Variants in FN1 observed in about 807,000 individuals in gnomAD.
The protein encoded by FN1 is fibronectin 1, also known as fibronectin.
Under a neutral mutation model 297.3 loss-of-function variants are expected in FN1, and 106 were observed. That is an observed-to-expected ratio of 0.36 (90% CI 0.30 to 0.42). The LOEUF is 0.42. Among genes scored for constraint, FN1 ranks in the 10% least tolerant of loss-of-function variants. FN1 has a pLI of 1.00. For synonymous variants in FN1, 1,149 were observed against 1,152.6 expected, an observed-to-expected ratio of 1.00 and a Z score of 0.06; for missense variants, 2,690 against 3,124.9, an observed-to-expected ratio of 0.86 and a Z score of 3.32.
intron 2 of FN1, 150 bp from the exon 3 acceptor site, chr2:215,433,611 T>TA (rs375373548): frequency 3.1e-5 from 25 of 813,138 alleles, no homozygotes; most frequent in Middle Eastern, 6.9e-4. Context: ...TACAGATTTT[T>TA]ATCCTAAGCT....
Position 215,373,314 on chromosome 2 carries a change from A to T in FN1, c.6247+8T>A, listed in dbSNP as rs774748831. 5.0e-6 allele frequency: 8 copies of T among 1,607,164 alleles called. No individual in the cohort carries two copies. In the South Asian group the frequency reaches 8.8e-5, roughly 18 times the overall value. On this transcript the variant is annotated splice_region_variant and intron_variant, in intron 39 of 45. Coordinates refer to ENST00000354785, the MANE Select transcript of FN1 (RefSeq NM_212482.4). ...TCTTTCTCCTTGTTACCTGCAAGAT[A>T]CTCTTACCTGTCTTTTTCCTTCCAA...
At chr2:215,401,263 G>GAAGGAAGGAAGGAAGGGAGGGA (rs201679295) in intron 20 of FN1, among the ~76,000 whole-genome samples, 1 of 74,082 alleles carries the variant, frequency 1.3e-5, no homozygotes, top group African/African-American at 6.9e-5. Flanking sequence ...AGAAAGAAAG[G>GAAGGAAGGAAGGAAGGGAGGGA]AAGGAAAGGA....
rs1193279982 is a variant in FN1, at chr2:215,361,565, G to A, written c.7424C>T (p.Ser2475Phe). ...PLDVQADRED[S>F]RE ...GATTGGAAAGATGATTTACTCTCGG[G>A]AATCTTCTCTGTCAGCCTGTACATC... Residue 2475 changes from serine (S) to phenylalanine (F), a missense_variant, in exon 46 of 46, where the codon TCC becomes TTC. Transcript: ENST00000354785. 1.2e-6 allele frequency: 2 copies of A among 1,604,176 alleles called. No homozygotes were observed. Among genetic ancestry groups the A allele is most frequent in the African/African-American group, 1.3e-5 (1 of 74,694 alleles).
chr2:215,384,147 C>G lies in FN1; in HGVS notation c.4767G>C (p.Gly1589=), dbSNP rs760159996. The G allele has an allele frequency of 1.2e-6, 2 of 1,614,116 alleles. No homozygotes were observed. The highest frequency in any genetic ancestry group is 1.7e-6 in the Non-Finnish European group (2 of 1,180,010). The change falls in exon 30 of 46, where the codon GGG becomes GGC. Residue 1589 remains glycine, a synonymous_variant. Coordinates refer to ENST00000354785, the MANE Select transcript of FN1 (RefSeq NM_212482.4). ...CGCTGATGGTAGCTGTAGACTTGCT[C>G]CCAGGCACAGTGAACTCCTGGACAG... ...NSPVQEFTVP[G]SKSTATISGL... is the part of the protein sequence containing the mutation.
Position 215,407,310 on chromosome 2 carries a change from C to G in FN1, c.2530G>C (p.Val844Leu). ...CTACCTTCTACTGATGGCGAATAGACTATTCTGTACCCTGCAGATTCATGA... is the reference window on the plus strand; with the variant it reads ...CTACCTTCTACTGATGGCGAATAGAGTATTCTGTACCCTGCAGATTCATGA... ...PQAPITGYRI[V>L]YSPSVEGSST... The change falls in exon 18 of 46, where the codon GTC becomes CTC. Residue 844 changes from valine (V) to leucine (L), a missense_variant. Val to Leu is a conservative substitution (Grantham distance 32). Coordinates refer to ENST00000354785, the MANE Select transcript of FN1 (RefSeq NM_212482.4). The G allele has an allele frequency of 6.2e-7, 1 of 1,614,078 alleles. No homozygotes were observed. Among genetic ancestry groups the G allele is most frequent in the South Asian group, 1.1e-5 (1 of 91,080 alleles).
intron 42 of FN1, among the ~76,000 whole-genome samples, chr2:215,366,899 A>T (rs182033431): frequency 3.3e-4 from 50 of 152,370 alleles, no homozygotes; most frequent in Non-Finnish European, 6.5e-4. Context: ...GCTCCTAAAC[A>T]GCATGTGATG....
chr2:215,371,764 C>T (rs954666010), intron 40 of FN1, 145 bp downstream of exon 40: 25 of 708,472 alleles, frequency 3.5e-5, no homozygotes, highest in South Asian at 2.0e-4. Context: ...CCACCTGCCT[C>T]GGCCTCCCAA....
rs562717240 is a variant in FN1, at chr2:215,368,078, T to G, written c.6854-51A>C. 6.3e-6 allele frequency: 10 copies of G among 1,583,514 alleles called. No homozygotes were observed. The African/African-American group carries it at 6.7e-5, about 11-fold the overall frequency. ...AAAAGAGACATCTTATTAATCGATT[T>G]GGACCATAAGAAGAAAATCGAATGA... On this transcript the variant is annotated intron_variant, in intron 41 of 45. Transcript: ENST00000354785.
chr2:215,431,752 A>G, intron 4 of FN1, 81 bp downstream of exon 4: 1 of 1,397,416 alleles, frequency 7.2e-7, no homozygotes, highest in Non-Finnish European at 1.0e-6. Flanking sequence ...CAGGTCTATG[A>G]CCTATGTAGA....
chr2:215,367,576 C>G (rs1250213), intron 42 of FN1: 5 of 426,756 alleles, frequency 1.2e-5, no homozygotes, highest in Non-Finnish European at 2.2e-5. Flanking sequence ...AGTCTTTATC[C>G]ATTTGTTTTC....
intron 36 of FN1, among the ~76,000 whole-genome samples, chr2:215,375,958 CA>C (rs2057209623): frequency 6.6e-6 from 1 of 152,142 alleles, no homozygotes; most frequent in Non-Finnish European, 1.5e-5. Flanking sequence ...TTCTGGAATG[CA>C]AAAATGCTAT....
intron 19 of FN1, 48 bp downstream of exon 19, chr2:215,406,190 G>A: frequency 6.3e-7 from 1 of 1,591,958 alleles, no homozygotes; most frequent in Non-Finnish European, 8.6e-7. Flanking sequence ...CAGGCTGCAA[G>A]TGAGGGTGGA....
Position 215,362,073 on chromosome 2 carries a change from G to A in FN1, c.7258C>T (p.Arg2420Cys), listed in dbSNP as rs759273898. The change falls in exon 45 of 46, where the codon CGC becomes TGC. Residue 2420 changes from arginine (R) to cysteine (C), a missense_variant. Arg to Cys is a radical substitution (Grantham distance 180). Around this residue, in one of 3 missense-constraint regions of FN1, gnomAD observed 1,743 missense variants for 1,945.2 expected, o/e 0.90. Transcript: ENST00000354785. ...CCAGGTCTGCGGCAGTTGTCACAGC[G>A]CCAGCCCTGAGAGAGTAGAGGCATG... Reference protein sequence around the residue: ...CTCFGGQRGWRCDNCRRPGGE... With the variant: ...CTCFGGQRGWCCDNCRRPGGE... 3 of 1,613,092 alleles carry A rather than the reference G, an allele frequency of 1.9e-6. No homozygotes were observed. Among genetic ancestry groups the A allele is most frequent in the Non-Finnish European group, 2.5e-6 (3 of 1,179,176 alleles).
chr2:215,409,160 G>A (rs150447540), intron 15 of FN1, among the ~76,000 whole-genome samples: 10 of 152,206 alleles, frequency 6.6e-5, no homozygotes, highest in Admixed American at 2.0e-4. Context: ...CAGTGCTTAC[G>A]ATGGCACACA....
intron 12 of FN1, among the ~76,000 whole-genome samples, chr2:215,417,769 A>G (rs1374398638): frequency 6.6e-6 from 1 of 152,172 alleles, no homozygotes; most frequent in Admixed American, 6.5e-5. Context: ...TAAGGTCAAC[A>G]TGTAATACTC....
chr2:215,431,084 T>C (rs1247435107), intron 4 of FN1, among the ~76,000 whole-genome samples: 1 of 152,096 alleles, frequency 6.6e-6, no homozygotes, highest in African/African-American at 2.4e-5. Flanking sequence ...AATAAGTACA[T>C]GGACTACATA....
chr2:215,365,783 T>A (rs2054417141), intron 42 of FN1, 153 bp from the exon 43 acceptor site: 1 of 432,822 alleles, frequency 2.3e-6, no homozygotes, highest in Non-Finnish European at 3.9e-6. Context: ...GGGCCATTTA[T>A]TTTATTTATT....
intron 7 of FN1, 107 bp from the exon 8 acceptor site, chr2:215,424,432 A>G: frequency 2.3e-6 from 2 of 880,702 alleles, no homozygotes; most frequent in Non-Finnish European, 3.7e-6. Flanking sequence ...CCCTCAAAGG[A>G]AGAAGCTATG....
chr2:215,380,719 C>T lies in FN1; in HGVS notation c.5434+92G>A, dbSNP rs761190584. ...CTAATAATTCTTTTTCACCCTTACA[C>T]GGGAATCAATAGCCCAGTGAAGCAT... On this transcript the variant is annotated intron_variant, in intron 33 of 45. Transcript: ENST00000354785. 3.0e-4 allele frequency: 427 copies of T among 1,410,164 alleles called. 1 individual carries two copies. The highest frequency in any genetic ancestry group is 3.9e-4 in the Non-Finnish European group (392 of 997,074). The allele number at this position is 1,410,164 out of a possible 1,614,324, so 87.4% of individuals were successfully genotyped here. A position where few individuals can be genotyped will look rare whatever the true frequency, so the allele number is the denominator to read the frequency against.
Sources: allele counts gnomAD v4.1 joint callset (sites outside exome capture counted in the v4.1 genomes callset), GRCh38; gene constraint gnomAD v4.1.1; regional missense constraint gnomAD v4.1.1; transcripts MANE v1.5; gene names NCBI Gene and HGNC (gene_info 2026-07-23, HGNC 2026-07-21).